ERLIN1: variants seen among roughly 807,000 people sequenced by gnomAD.
ERLIN1 encodes erlin-1.
ERLIN1 carries 24 observed loss-of-function variants against 46.9 expected under a neutral mutation model. That is an observed-to-expected ratio of 0.51 (90% CI 0.37 to 0.72). The LOEUF (loss-of-function observed/expected upper bound fraction) is 0.72, where lower values mean the gene tolerates loss of function less well. Among genes scored for constraint, ERLIN1 ranks in the 30% least tolerant of loss-of-function variants. The pLI is 0.00. For missense variants in ERLIN1, 293 were observed against 417.9 expected, an observed-to-expected ratio of 0.70 and a Z score of 2.61; for synonymous variants, 158 against 143.2, an observed-to-expected ratio of 1.10 and a Z score of -0.74.
chr10:100,154,962 GT>G (rs1342575688), intron 9 of ERLIN1, 23 bp from the exon 10 acceptor site: 2 of 1,597,162 alleles, frequency 1.3e-6, no homozygotes, highest in Non-Finnish European at 1.7e-6. Context: ...CAAAGGAAAG[GT>G]GTCAATCCAT....
chr10:100,154,732 G>A, intron 10 of ERLIN1, 128 bp downstream of exon 10: 1 of 708,098 alleles, frequency 1.4e-6, no homozygotes, highest in South Asian at 1.8e-5. Context: ...GACTAATTCT[G>A]GAGGATGTCT....
At chr10:100,179,560 G>A (rs1029371598) in intron 2 of ERLIN1, among the ~76,000 whole-genome samples, 2 of 151,874 alleles carry the variant, frequency 1.3e-5, no homozygotes, top group East Asian at 1.9e-4. Flanking sequence ...GGGTTCAGGC[G>A]GTTCTTGTGC....
intron 8 of ERLIN1, 36 bp from the exon 9 acceptor site, chr10:100,156,270 C>A (rs202110526): frequency 3.1e-5 from 43 of 1,405,842 alleles, no homozygotes; most frequent in Non-Finnish European, 4.0e-5. Flanking sequence ...ACATTCAAAA[C>A]CATTTCTACA....
chr10:100,178,142 G>A lies in ERLIN1; in HGVS notation c.295C>T (p.Pro99Ser), dbSNP rs746784224. Residue 99 changes from proline to serine, a missense_variant, in exon 4 of 11, where the codon CCT becomes TCT. By Grantham distance (74) the Pro-to-Ser change is moderately conservative (BLOSUM62 -1). This residue lies in a region of ERLIN1 where 148 missense variants were observed against 266.5 expected (regional missense o/e 0.56). Transcript: ENST00000421367. ...TAGATGGGTAACATACCTGCATAAG[G>A]AGCCAACATATTAACCACTTCTATT... is the stretch of plus-strand genomic sequence containing the variant. ...DRIEVVNMLAPYAVFDIVRNY... is the reference protein window; with the variant it reads ...DRIEVVNMLASYAVFDIVRNY... 17 of 1,577,240 alleles carry A rather than the reference G, an allele frequency of 1.1e-5. No homozygotes were observed. Among genetic ancestry groups the A allele is most frequent in the African/African-American group, 1.3e-5 (1 of 74,110 alleles).
rs960655512 is a variant in ERLIN1 at position 100,168,323 on chromosome 10, T to C, written c.505-917A>G. ...AGGCTTTTAAAACTTTTAAGCGATA[T>C]AGCATTTCCTATATGAAATAGATGA... On this transcript the variant is annotated intron_variant, in intron 6 of 10. Coordinates refer to ENST00000421367, the MANE Select transcript of ERLIN1 (RefSeq NM_006459.4). Among the ~76,000 whole-genome samples, 88 of 152,198 alleles carry C rather than the reference T, an allele frequency of 5.8e-4. 1 individual carries two copies. Among genetic ancestry groups the C allele is most frequent in the Admixed American group, 5.2e-3 (80 of 15,284 alleles).
Position 100,177,419 on chromosome 10 carries a change from C to T in ERLIN1, c.304+714G>A, listed in dbSNP as rs965761441. Among the ~76,000 whole-genome samples, 3 of 152,226 alleles carry T rather than the reference C, an allele frequency of 2.0e-5. 1 individual carries two copies. Among genetic ancestry groups the T allele is most frequent in the Admixed American group, 6.5e-5 (1 of 15,276 alleles). On this transcript the variant is annotated intron_variant, in intron 4 of 10. Transcript: ENST00000421367. ...ATCTTTTCACTATTTGTGCCTGTAC[C>T]GGTTATGTGAAATTTATTATGACCT...
intron 6 of ERLIN1, among the ~76,000 whole-genome samples, chr10:100,172,610 T>C (rs1844066686): frequency 6.6e-6 from 1 of 152,106 alleles, no homozygotes; most frequent in Non-Finnish European, 1.5e-5. Flanking sequence ...GGAATGCAAA[T>C]CAAAGGGAGA....
rs147388040 is a variant in ERLIN1 at position 100,152,244 on chromosome 10, A to G, written c.934T>C (p.Cys312Arg). The change falls in exon 11 of 11, where the codon TGT becomes CGT. Residue 312 changes from cysteine (C) to arginine (R), a missense_variant. Around this residue, in one of 3 missense-constraint regions of ERLIN1, gnomAD observed 69 missense variants for 74.5 expected, o/e 0.93. Transcript: ENST00000421367. ...NIPNMFVDSS[C>R]ALKYSDIRTG... ...CTAATATCTGAATATTTCAAAGCAC[A>G]TGAGGAGTCCACGAACATGTTAGGG... The G allele has an allele frequency of 2.5e-6, 4 of 1,611,984 alleles. No homozygotes were observed. Among genetic ancestry groups the G allele is most frequent in the Non-Finnish European group, 3.4e-6 (4 of 1,178,004 alleles).
chr10:100,152,429 A>C, intron 10 of ERLIN1, 77 bp from the exon 11 acceptor site: 1 of 856,914 alleles, frequency 1.2e-6, no homozygotes, highest in Non-Finnish European at 2.0e-6. Flanking sequence ...TATACATTTC[A>C]CCTATTGCTC....
At chr10:100,167,289 A>C in intron 7 of ERLIN1, 59 bp downstream of exon 7, 1 of 1,217,512 alleles carries the variant, frequency 8.2e-7, no homozygotes, top group Admixed American at 1.7e-5. Flanking sequence ...TCTAGACTGG[A>C]ATATTAATAT....
intron 8 of ERLIN1, among the ~76,000 whole-genome samples, chr10:100,162,816 C>T (rs192926345): frequency 2.6e-5 from 4 of 152,176 alleles, no homozygotes; most frequent in Admixed American, 6.5e-5. Flanking sequence ...CTATACTCAT[C>T]TCATTGAGGC....
chr10:100,152,295 T>C lies in ERLIN1; in HGVS notation c.883A>G (p.Ser295Gly). ...LKKYQAIASNSKIYFGSNIPN... is the reference protein window; with the variant it reads ...LKKYQAIASNGKIYFGSNIPN... Reference sequence around the variant, plus strand: ...ATGTTGCTGCCAAAATAGATCTTACTGTTAGAAGCAATGGCCTGGTACTTT... The same window carrying C: ...ATGTTGCTGCCAAAATAGATCTTACCGTTAGAAGCAATGGCCTGGTACTTT... The change falls in exon 11 of 11, where the codon AGT becomes GGT. Residue 295 changes from serine to glycine, a missense_variant. Ser to Gly is a moderately conservative substitution (Grantham distance 56, BLOSUM62 0). Coordinates refer to ENST00000421367, the MANE Select transcript of ERLIN1 (RefSeq NM_006459.4). 1.2e-6 allele frequency: 2 copies of C among 1,613,740 alleles called. No individual in the cohort carries two copies. Among genetic ancestry groups the C allele is most frequent in the Non-Finnish European group, 1.7e-6 (2 of 1,179,608 alleles).
intron 2 of ERLIN1, among the ~76,000 whole-genome samples, chr10:100,180,354 T>C (rs1844564320): frequency 6.6e-6 from 1 of 152,100 alleles, no homozygotes; most frequent in Non-Finnish European, 1.5e-5. Flanking sequence ...GGAGACAAAA[T>C]GTTACAATGC....
chr10:100,163,664 T>C (rs10883450), intron 8 of ERLIN1, among the ~76,000 whole-genome samples: 15,584 of 152,142 alleles, frequency 0.1, 1,065 homozygotes, highest in East Asian at 0.29. Context: ...CATACTACAA[T>C]CTGAAACTTT....
At position 100,178,214 on chromosome 10, in the gene ERLIN1, G is replaced by A; in HGVS notation, c.243-20C>T. On this transcript the variant is annotated intron_variant, in intron 3 of 10. Transcript: ENST00000421367. Reference sequence around the variant, plus strand: ...CCACCACTAAAAACAAAGAAAAAAAGTGTGAACTACTAAAGGCAATCCATA... The same window carrying A: ...CCACCACTAAAAACAAAGAAAAAAAATGTGAACTACTAAAGGCAATCCATA... 6.6e-7 allele frequency: 1 copy of A among 1,519,142 alleles called. No homozygotes were observed. Among genetic ancestry groups the A allele is most frequent in the Non-Finnish European group, 9.0e-7 (1 of 1,116,384 alleles). 94.1% of individuals were successfully genotyped at this position (1,519,142 alleles called of 1,614,324 possible).
chr10:100,183,508 C>T (rs1033844721), intron 2 of ERLIN1, among the ~76,000 whole-genome samples: 2 of 152,170 alleles, frequency 1.3e-5, no homozygotes, highest in African/African-American at 2.4e-5. Context: ...CTATATACCA[C>T]GATATAGATG....
intron 8 of ERLIN1, among the ~76,000 whole-genome samples, chr10:100,163,490 T>A (rs1843469928): frequency 1.3e-5 from 2 of 152,112 alleles, no homozygotes; most frequent in South Asian, 4.1e-4. Context: ...TGTATTAAAC[T>A]TTCAGCATCA....
At chr10:100,167,599 C>CT (rs1311487167) in intron 6 of ERLIN1, among the ~76,000 whole-genome samples, 193 bp from the exon 7 acceptor site, 1 of 152,136 alleles carries the variant, frequency 6.6e-6, no homozygotes, top group Non-Finnish European at 1.5e-5. Flanking sequence ...CAAAGACAAG[C>CT]TGCTTCTTAT....
At chr10:100,157,049 A>G (rs1843118156) in intron 8 of ERLIN1, among the ~76,000 whole-genome samples, 1 of 152,158 alleles carries the variant, frequency 6.6e-6, no homozygotes, top group Non-Finnish European at 1.5e-5. Flanking sequence ...AAGAAAGACA[A>G]GAAGGCACAA....
Sources: gnomAD v4.1 joint callset for allele counts (sites outside exome capture counted in the v4.1 genomes callset) on GRCh38, gnomAD v4.1.1 for gene constraint, gnomAD v4.1.1 regional missense constraint, MANE v1.5 for transcripts, NCBI Gene and HGNC (gene_info 2026-07-23, HGNC 2026-07-21) for gene names.